The following UGGT1 variants were observed in gnomAD, a reference collection of about 807,000 sequenced individuals.
The protein encoded by UGGT1 is UDP-glucose:glycoprotein glucosyltransferase 1.
Under a neutral mutation model 203.9 loss-of-function variants are expected in UGGT1, and 107 were observed. That is an observed-to-expected ratio of 0.52 (90% CI 0.45 to 0.62). The LOEUF is 0.62. UGGT1 is among the 20% of genes least tolerant of loss of function. The probability of loss-of-function intolerance (pLI) is 0.00; values close to 1 mark genes in which losing one functional copy is unlikely to be tolerated. For synonymous variants in UGGT1, 628 were observed against 653.5 expected, an observed-to-expected ratio of 0.96 and a Z score of 0.59; for missense variants, 1,673 against 1,867.2, an observed-to-expected ratio of 0.90 and a Z score of 1.92.
At chr2:128,111,444 A>G (rs1573509925) in intron 5 of UGGT1, among the ~76,000 whole-genome samples, 1 of 152,188 alleles carries the variant, frequency 6.6e-6, no homozygotes, top group Non-Finnish European at 1.5e-5. Context: ...TTGGCAAGTA[A>G]TATGCTGAAT....
chr2:128,166,359 A>G (rs964919734), intron 26 of UGGT1, among the ~76,000 whole-genome samples: 1 of 152,252 alleles, frequency 6.6e-6, no homozygotes, highest in Non-Finnish European at 1.5e-5. Context: ...CGTTGCAGAC[A>G]TCCTGATGTA....
chr2:128,092,682 T>C (rs1686924586), intron 1 of UGGT1, among the ~76,000 whole-genome samples: 1 of 151,270 alleles, frequency 6.6e-6, no homozygotes, highest in Admixed American at 6.6e-5. Context: ...AGATAGTGTT[T>C]TAATTTATTT....
chr2:128,155,137 C>T (rs1273435639), intron 19 of UGGT1, among the ~76,000 whole-genome samples: 1 of 152,170 alleles, frequency 6.6e-6, no homozygotes, highest in Non-Finnish European at 1.5e-5. Context: ...AGAGCTTACT[C>T]CACTGGTTGG....
In UGGT1 at chr2:128,143,244, T is replaced by C. The variant is rs534151773; in HGVS notation, c.1851+19T>C. On this transcript the variant is annotated intron_variant, in intron 17 of 40. Coordinates refer to ENST00000259253, the MANE Select transcript of UGGT1 (RefSeq NM_020120.4). ...TCGGAAGGTAAAAAATTTCTTTGTGTTTCTTATTTGATTGCAACATTGTAC... is the reference window on the plus strand; with the variant it reads ...TCGGAAGGTAAAAAATTTCTTTGTGCTTCTTATTTGATTGCAACATTGTAC... 2.5e-6 allele frequency: 4 copies of C among 1,612,072 alleles called. No individual in the cohort carries two copies. In the African/African-American group the frequency reaches 5.3e-5, roughly 22 times the overall value.
chr2:128,123,804 C>A (rs748464968), intron 11 of UGGT1, among the ~76,000 whole-genome samples: 1 of 152,102 alleles, frequency 6.6e-6, no homozygotes, highest in African/African-American at 2.4e-5. Flanking sequence ...CCTTTAACCT[C>A]CTTTGTTGGA....
At chr2:128,130,753 T>C (rs990705642) in intron 13 of UGGT1, among the ~76,000 whole-genome samples, 1 of 152,186 alleles carries the variant, frequency 6.6e-6, no homozygotes. Flanking sequence ...CCTTGTCCCT[T>C]ATTTTATCCT....
intron 12 of UGGT1, among the ~76,000 whole-genome samples, chr2:128,128,289 A>G (rs1330061943): frequency 1.3e-5 from 2 of 148,670 alleles, no homozygotes; most frequent in African/African-American, 2.5e-5. Context: ...TTTTTTAATC[A>G]CATCTTATTT....
At chr2:128,158,278 C>T (rs1690342854) in intron 22 of UGGT1, among the ~76,000 whole-genome samples, 1 of 152,162 alleles carries the variant, frequency 6.6e-6, no homozygotes, top group African/African-American at 2.4e-5. Flanking sequence ...TCATAGGACA[C>T]ACAGTGTCAC....
intron 16 of UGGT1, among the ~76,000 whole-genome samples, chr2:128,139,334 T>C (rs1480983631): frequency 6.6e-6 from 1 of 152,216 alleles, no homozygotes; most frequent in Non-Finnish European, 1.5e-5. Context: ...GATCCTCCCA[T>C]GTCAGTCCCA....
At chr2:128,173,644 C>A (rs907895234) in intron 29 of UGGT1, 137 bp from the exon 30 acceptor site, 1 of 1,095,134 alleles carries the variant, frequency 9.1e-7, no homozygotes, top group Admixed American at 2.9e-5. Flanking sequence ...ATACTTTTGT[C>A]TTTTCTTGAA....
rs775442369 is a variant in UGGT1, at chr2:128,120,432, C to T, written c.949C>T (p.Pro317Ser). ...TGTAGAGAGCACCAATGAAATGGCA[C>T]CTTTAAAGGTTTGGCAGTTGCAAGG... ...HLVESTNEMA[P>S]LKVWQLQDLS... The change falls in exon 9 of 41, where the codon CCT (proline) becomes TCT (serine). Residue 317 changes from proline to serine, a missense_variant. This residue lies in a region of UGGT1 where 1,073 missense variants were observed against 1,078.7 expected (regional missense o/e 0.99). Transcript: ENST00000259253. 1.6e-5 allele frequency: 26 copies of T among 1,613,680 alleles called. No homozygotes were observed. The East Asian group carries it at 4.9e-4, about 30-fold the overall frequency.
chr2:128,092,439 A>G (rs1213987426), intron 1 of UGGT1, among the ~76,000 whole-genome samples: 1 of 151,786 alleles, frequency 6.6e-6, no homozygotes, highest in Non-Finnish European at 1.5e-5. Context: ...TACTTTGTAC[A>G]GTAGCATAGC....
chr2:128,093,271 A>G (rs963595847), intron 1 of UGGT1, among the ~76,000 whole-genome samples: 31 of 151,872 alleles, frequency 2.0e-4, no homozygotes, highest in Admixed American at 1.6e-3. Context: ...CATTTTACCT[A>G]TCTTGCAGTC....
At chr2:128,172,284 A>G (rs1419415407) in intron 28 of UGGT1, among the ~76,000 whole-genome samples, 2 of 152,210 alleles carry the variant, frequency 1.3e-5, no homozygotes, top group African/African-American at 2.4e-5. Context: ...GTGGCTGCTG[A>G]GTATGAGCTA....
At position 128,189,990 on chromosome 2, in the gene UGGT1, A is replaced by G. The variant is rs181641057; in HGVS notation, c.*248A>G. 1.8e-3 allele frequency: 750 copies of G among 418,838 alleles called. 3 individuals carry two copies. The highest frequency in any genetic ancestry group is 0.013 in the African/African-American group (679 of 50,480). The allele number at this position is 418,838 out of a possible 1,614,324, so 25.9% of individuals were successfully genotyped here. A position where few individuals can be genotyped will look rare whatever the true frequency, so the allele number is the denominator to read the frequency against. ...TGATCCTTTGGACTCTGTAAAGAGC[A>G]TTCTTCTAGTCAGAGGGTGGAATGG... On this transcript the variant is annotated 3_prime_UTR_variant, in exon 41 of 41. Coordinates refer to ENST00000259253, the MANE Select transcript of UGGT1 (RefSeq NM_020120.4).
intron 15 of UGGT1, among the ~76,000 whole-genome samples, chr2:128,136,337 C>A (rs1689128820): frequency 1.3e-5 from 2 of 152,182 alleles, no homozygotes; most frequent in South Asian, 4.1e-4. Context: ...AGTTTCACTG[C>A]CCTAAAAATC....
At chr2:128,114,586 T>G (rs1397079556) in intron 6 of UGGT1, among the ~76,000 whole-genome samples, 1 of 152,182 alleles carries the variant, frequency 6.6e-6, no homozygotes. Flanking sequence ...CAAGCTCCGC[T>G]CGAAGGCATT....
Position 128,096,339 on chromosome 2 carries a change from A to G in UGGT1, c.59-1090A>G, listed in dbSNP as rs73957664. 2.5e-3 allele frequency among the ~76,000 whole-genome samples: 375 copies of G among 152,324 alleles called. 1 individual carries two copies. The highest frequency in any genetic ancestry group is 0.014 in the Middle Eastern group (4 of 294). On this transcript the variant is annotated intron_variant, in intron 1 of 40. Transcript: ENST00000259253. Reference sequence around the variant, plus strand: ...GGGCTACCACAACAAAGTATCACAAACTGGGTGGCTTAGAACAATAGATAT... The same window carrying G: ...GGGCTACCACAACAAAGTATCACAAGCTGGGTGGCTTAGAACAATAGATAT...
chr2:128,113,344 T>A, intron 6 of UGGT1, 86 bp downstream of exon 6: 1 of 1,105,736 alleles, frequency 9.0e-7, no homozygotes, highest in African/African-American at 1.6e-5. Context: ...TCCCTCTTTA[T>A]AAAAAAATCT....
Sources: gnomAD v4.1 joint callset for allele counts (sites outside exome capture counted in the v4.1 genomes callset) on GRCh38, gnomAD v4.1.1 for gene constraint, gnomAD v4.1.1 regional missense constraint, MANE v1.5 for transcripts, NCBI Gene and HGNC (gene_info 2026-07-23, HGNC 2026-07-21) for gene names.